The following NFAT5 variants were observed in gnomAD, a reference collection of about 807,000 sequenced individuals.
NFAT5 encodes the protein nuclear factor of activated T-cells 5.
Under a neutral mutation model 166.5 loss-of-function variants are expected in NFAT5, and 31 were observed. The ratio of observed to expected loss-of-function variants is 0.19; its 90% CI spans 0.14 to 0.25. The LOEUF is 0.25. NFAT5 is among the 10% of genes least tolerant of loss of function. The pLI, the probability that NFAT5 is intolerant of heterozygous loss-of-function variation, is 1.00. For missense variants in NFAT5, 1,449 were observed against 1,821.8 expected, an observed-to-expected ratio of 0.80 and a Z score of 3.72; for synonymous variants, 612 against 639.7, an observed-to-expected ratio of 0.96 and a Z score of 0.65.
chr16:69,593,335 T>A (rs1016056749), intron 2 of NFAT5, among the ~76,000 whole-genome samples: 28 of 152,230 alleles, frequency 1.8e-4, no homozygotes, highest in Admixed American at 4.6e-4. Context: ...ACTTCTTTTT[T>A]AAAAAAAAAT....
intron 2 of NFAT5, among the ~76,000 whole-genome samples, chr16:69,619,681 T>C (rs540278218): frequency 9.2e-5 from 14 of 152,214 alleles, no homozygotes; most frequent in Non-Finnish European, 1.2e-4. Context: ...AGCATGTCTT[T>C]TCCCAGCTGT....
rs142205385 is a variant in NFAT5 at position 69,617,531 on chromosome 16, C to T, written c.128-8872C>T. 4.5e-3 allele frequency among the ~76,000 whole-genome samples: 675 copies of T among 151,346 alleles called. 2 individuals carry two copies. Among genetic ancestry groups the T allele is most frequent in the Middle Eastern group, 0.017 (5 of 294 alleles). ...TTTGAGACAGGGCCTTGCTCTGTCA[C>T]CCAGGCTGGAACGCAGTGGCACAAT... On this transcript the variant is annotated intron_variant, in intron 2 of 14. Coordinates refer to ENST00000349945, the MANE Select transcript of NFAT5 (RefSeq NM_138713.4).
In NFAT5 at chr16:69,615,454, G is replaced by C. The variant is rs371736583; in HGVS notation, c.128-10949G>C. 2.6e-4 allele frequency among the ~76,000 whole-genome samples: 40 copies of C among 152,248 alleles called. No individual in the cohort carries two copies. In the South Asian group the frequency reaches 5.6e-3, roughly 21 times the overall value. On this transcript the variant is annotated intron_variant, in intron 2 of 14. Transcript: ENST00000349945. ...CTTGTATTTTGCCTGTCCCAGCCCT[G>C]ATACTATTTCTCTGAAAAGCCCTGG...
At position 69,704,491 on chromosome 16, in the gene NFAT5, C is replaced by T. The variant is rs548711012; in HGVS notation, c.*8140C>T. ...TCAGAGCACTGATACCAGATATTTT[C>T]AGTTTGTTCTCTGGGGGAATTTCAT... is the stretch of plus-strand genomic sequence containing the variant. On this transcript the variant is annotated 3_prime_UTR_variant, in exon 15 of 15. Transcript: ENST00000349945. 6.5e-6 allele frequency: 1 copy of T among 152,680 alleles called. No homozygotes were observed. Among genetic ancestry groups the T allele is most frequent in the Non-Finnish European group, 1.5e-5 (1 of 68,000 alleles). The allele number at this position is 152,680 out of a possible 1,614,324, so 9.5% of individuals were successfully genotyped here.
chr16:69,636,420 C>T (rs766130028), intron 3 of NFAT5, among the ~76,000 whole-genome samples: 34 of 152,308 alleles, frequency 2.2e-4, no homozygotes, highest in East Asian at 1.4e-3. Flanking sequence ...GTACCCAGTA[C>T]GGACTCTGTG....
chr16:69,658,038 C>T (rs1434975551), intron 6 of NFAT5, among the ~76,000 whole-genome samples: 6 of 149,520 alleles, frequency 4.0e-5, no homozygotes, highest in Non-Finnish European at 8.9e-5. Flanking sequence ...GAGCCAAGAT[C>T]GCTCCACTGC....
At chr16:69,669,544 C>CA (rs890413874) in intron 7 of NFAT5, among the ~76,000 whole-genome samples, 144 of 145,032 alleles carry the variant, frequency 9.9e-4, no homozygotes, top group Admixed American at 4.0e-3. Context: ...GACTCAGTCT[C>CA]AAAAAAAAAA....
At chr16:69,685,015 T>C in intron 11 of NFAT5, 45 bp downstream of exon 11, 5 of 1,354,808 alleles carry the variant, frequency 3.7e-6, no homozygotes, top group Non-Finnish European at 5.2e-6. Context: ...GGTGCTCCTG[T>C]ATGTTTTCTC....
chr16:69,671,022 G>C (rs1206333505), intron 9 of NFAT5, among the ~76,000 whole-genome samples: 4 of 152,120 alleles, frequency 2.6e-5, no homozygotes, highest in Non-Finnish European at 5.9e-5. Context: ...AATAGAAGAT[G>C]CAAAAATTAG....
chr16:69,693,825 G>T lies in NFAT5; in HGVS notation c.4000G>T (p.Ala1334Ser). 6.2e-7 allele frequency: 1 copy of T among 1,614,106 alleles called. No homozygotes were observed. The highest frequency in any genetic ancestry group is 1.3e-5 in the African/African-American group (1 of 75,000). The change falls in exon 13 of 15, where the codon GCC (alanine) becomes TCC (serine). Residue 1334 changes from alanine (A) to serine (S), a missense_variant. This residue lies in a region of NFAT5 where 891 missense variants were observed against 993.0 expected (regional missense o/e 0.90). Coordinates refer to ENST00000349945, the MANE Select transcript of NFAT5 (RefSeq NM_138713.4). ...AATTTTTCACCAACAAAGTAACATG[G>T]CCCCAATGAATCAAGAGCAACAGCC... ...QSIFHQQSNM[A>S]PMNQEQQPMQ...
intron 2 of NFAT5, among the ~76,000 whole-genome samples, chr16:69,618,708 T>C (rs1468615309): frequency 7.2e-6 from 1 of 139,730 alleles, no homozygotes; most frequent in Non-Finnish European, 1.5e-5. Flanking sequence ...TTTCTAACTC[T>C]TTCAGATTCC....
chr16:69,677,579 G>C (rs72783119), intron 10 of NFAT5, among the ~76,000 whole-genome samples: 8,994 of 152,264 alleles, frequency 0.059, 291 homozygotes, highest in Middle Eastern at 0.11. Flanking sequence ...TCTGAAGTCA[G>C]ATTCTCTGAA....
intron 10 of NFAT5, among the ~76,000 whole-genome samples, chr16:69,682,120 CAG>C (rs2037087151): frequency 6.6e-6 from 1 of 151,780 alleles, no homozygotes; most frequent in South Asian, 2.1e-4. Flanking sequence ...AGATACTTTT[CAG>C]AGTCATAAAA....
chr16:69,582,161 A>G (rs1368951873), intron 2 of NFAT5, among the ~76,000 whole-genome samples: 1 of 152,108 alleles, frequency 6.6e-6, no homozygotes, highest in East Asian at 1.9e-4. Flanking sequence ...GCTGCTCAGG[A>G]GGCTGAGGCA....
chr16:69,694,225 T>A lies in NFAT5; in HGVS notation c.4400T>A (p.Phe1467Tyr), dbSNP rs1157450538. 6.2e-7 allele frequency: 1 copy of A among 1,606,050 alleles called. No individual in the cohort carries two copies. The highest frequency in any genetic ancestry group is 1.7e-5 in the Admixed American group (1 of 57,970). ...SSQQTSGMFL[F>Y]GIQNNCSQLL... ...CAGCAGACATCAGGAATGTTCTTAT[T>A]TGGCATTCAAAATAGTAAGAAACTC... Residue 1467 changes from phenylalanine (F) to tyrosine (Y), a missense_variant, in exon 13 of 15, where the codon TTT becomes TAT. Around this residue, in one of 7 missense-constraint regions of NFAT5, gnomAD observed 891 missense variants for 993.0 expected, o/e 0.90. Coordinates refer to ENST00000349945, the MANE Select transcript of NFAT5 (RefSeq NM_138713.4).
chr16:69,679,844 G>A (rs1015720575), intron 10 of NFAT5, among the ~76,000 whole-genome samples: 2 of 152,184 alleles, frequency 1.3e-5, no homozygotes, highest in Non-Finnish European at 2.9e-5. Flanking sequence ...GCTGGGCATG[G>A]TGGCTCACGC....
chr16:69,690,627 T>C (rs781643787), intron 11 of NFAT5: 5 of 159,066 alleles, frequency 3.1e-5, no homozygotes, highest in Non-Finnish European at 1.4e-5. Flanking sequence ...TCCTATAATA[T>C]ACTCTTGGTC....
At chr16:69,683,884 AGG>A (rs1279816162) in intron 10 of NFAT5, among the ~76,000 whole-genome samples, 1 of 152,130 alleles carries the variant, frequency 6.6e-6, no homozygotes, top group Non-Finnish European at 1.5e-5. Flanking sequence ...AGATTACCTG[AGG>A]TCAGGAGTTT....
chr16:69,693,870 T>C lies in NFAT5; in HGVS notation c.4045T>C (p.Ser1349Pro), dbSNP rs1181993346. The change falls in exon 13 of 15, where the codon TCC becomes CCC. Residue 1349 changes from serine to proline, a missense_variant. Coordinates refer to ENST00000349945, the MANE Select transcript of NFAT5 (RefSeq NM_138713.4). ...EQQPMQFQSQ[S>P]TVSSLQNPGP... is the part of the protein sequence containing the mutation. ...ACAGCCCATGCAATTTCAGAGTCAG[T>C]CCACAGTTTCCTCACTTCAGAACCC... 6.2e-7 allele frequency: 1 copy of C among 1,614,202 alleles called. No homozygotes were observed. Among genetic ancestry groups the C allele is most frequent in the Non-Finnish European group, 8.5e-7 (1 of 1,180,024 alleles).
Sources: gnomAD v4.1 joint callset for allele counts (sites outside exome capture counted in the v4.1 genomes callset) on GRCh38, gnomAD v4.1.1 for gene constraint, gnomAD v4.1.1 regional missense constraint, MANE v1.5 for transcripts, NCBI Gene and HGNC (gene_info 2026-07-23, HGNC 2026-07-21) for gene names.